PAX5: variants seen among roughly 807,000 people sequenced by gnomAD.
The protein encoded by PAX5 is paired box 5.
Under a neutral mutation model 43.7 loss-of-function variants are expected in PAX5, and 9 were observed. The observed-to-expected ratio is 0.21, with a 90% CI of 0.12 to 0.36. The LOEUF (loss-of-function observed/expected upper bound fraction) is 0.36, where lower values mean the gene tolerates loss of function less well. Among genes scored for constraint, PAX5 ranks in the 10% least tolerant of loss-of-function variants. The pLI is 1.00. For missense variants in PAX5, 383 were observed against 532.7 expected, an observed-to-expected ratio of 0.72 and a Z score of 2.77; for synonymous variants, 228 against 214.3, an observed-to-expected ratio of 1.06 and a Z score of -0.56.
chr9:37,018,868 G>A (rs987694662), intron 2 of PAX5, among the ~76,000 whole-genome samples: 3 of 152,166 alleles, frequency 2.0e-5, no homozygotes, highest in African/African-American at 7.2e-5. Flanking sequence ...ATCTCCATGG[G>A]AGATTTGGAG....
At chr9:36,959,440 C>T (rs1363173197) in intron 6 of PAX5, among the ~76,000 whole-genome samples, 1 of 152,240 alleles carries the variant, frequency 6.6e-6, no homozygotes, top group Non-Finnish European at 1.5e-5. Flanking sequence ...GCCTTCTCTT[C>T]ATCAGACCAA....
intron 8 of PAX5, among the ~76,000 whole-genome samples, chr9:36,871,847 G>A (rs551043666): frequency 1.4e-4 from 22 of 152,288 alleles, no homozygotes; most frequent in African/African-American, 1.9e-4. Context: ...CTTCCCAGGC[G>A]GGCCAGTGAG....
At chr9:36,885,396 C>A (rs1014449994) in intron 7 of PAX5, among the ~76,000 whole-genome samples, 3 of 152,152 alleles carry the variant, frequency 2.0e-5, no homozygotes, top group African/African-American at 7.2e-5. Flanking sequence ...GTCCCTTAGT[C>A]ATTCTGAGCC....
intron 6 of PAX5, among the ~76,000 whole-genome samples, chr9:36,953,858 G>T (rs1833213900): frequency 6.6e-6 from 1 of 152,010 alleles, no homozygotes; most frequent in Non-Finnish European, 1.5e-5. Flanking sequence ...TGATTACCTG[G>T]GCTCAGGAGT....
At chr9:36,889,945 G>GA (rs900375054) in intron 7 of PAX5, among the ~76,000 whole-genome samples, 1 of 143,658 alleles carries the variant, frequency 7.0e-6, no homozygotes, top group East Asian at 2.2e-4. Context: ...CACTAACGGG[G>GA]GGGGGGGGAA....
chr9:37,011,601 C>T (rs144358127), intron 3 of PAX5, among the ~76,000 whole-genome samples: 228 of 152,312 alleles, frequency 1.5e-3, no homozygotes, highest in African/African-American at 4.4e-3. Context: ...CCTCCCAGCA[C>T]GTTTGTCCAT....
At position 36,882,423 on chromosome 9, in the gene PAX5, C is replaced by T. The variant is rs915687143; in HGVS notation, c.911-318G>A. Among the ~76,000 whole-genome samples, 3 of 152,198 alleles carry T rather than the reference C, an allele frequency of 2.0e-5. 1 individual carries two copies. In the South Asian group the frequency reaches 6.2e-4, roughly 32 times the overall value. ...AGGCAATGCAGGTGACAGCACGCCCCGACTCCAGCCAGCTCTCCCTACTCT... is the reference window on the plus strand; with the variant it reads ...AGGCAATGCAGGTGACAGCACGCCCTGACTCCAGCCAGCTCTCCCTACTCT... On this transcript the variant is annotated intron_variant, in intron 7 of 9. Transcript: ENST00000358127. The surrounding 1 kb of genome is among the most constrained non-coding windows in gnomAD (Gnocchi z 4.4).
chr9:36,918,385 G>A (rs1186659592), intron 7 of PAX5, among the ~76,000 whole-genome samples: 2 of 152,344 alleles, frequency 1.3e-5, no homozygotes, highest in Non-Finnish European at 1.5e-5. Flanking sequence ...AAACCAGGAT[G>A]GGCATGGTGG....
chr9:37,017,825 A>G (rs1839518079), intron 2 of PAX5, among the ~76,000 whole-genome samples: 1 of 152,258 alleles, frequency 6.6e-6, no homozygotes, highest in African/African-American at 2.4e-5. Flanking sequence ...CACATGGGCC[A>G]GGCACTTAGA....
chr9:36,867,561 A>C (rs558737604), intron 8 of PAX5, among the ~76,000 whole-genome samples: 1 of 152,036 alleles, frequency 6.6e-6, no homozygotes, highest in East Asian at 1.9e-4. Flanking sequence ...TCTTAGCAGC[A>C]TTGTGAACAA....
At chr9:36,987,523 A>G (rs1451642155) in intron 5 of PAX5, among the ~76,000 whole-genome samples, 1 of 152,208 alleles carries the variant, frequency 6.6e-6, no homozygotes, top group African/African-American at 2.4e-5. Context: ...GCCAGTAGGA[A>G]AATCGAGGCC....
At chr9:36,866,716 G>A (rs1410669072) in intron 8 of PAX5, among the ~76,000 whole-genome samples, 10 of 152,164 alleles carry the variant, frequency 6.6e-5, no homozygotes, top group African/African-American at 2.4e-4. Flanking sequence ...GGGCCACCTG[G>A]CTCCCCCTCT....
chr9:36,937,814 C>T (rs1263051798), intron 6 of PAX5, among the ~76,000 whole-genome samples: 2 of 152,186 alleles, frequency 1.3e-5, no homozygotes, highest in Admixed American at 6.5e-5. Flanking sequence ...GCTCCTACAC[C>T]GTCAACTCAG....
At chr9:37,000,402 C>T (rs1438094498) in intron 5 of PAX5, among the ~76,000 whole-genome samples, 2 of 152,114 alleles carry the variant, frequency 1.3e-5, no homozygotes, top group Admixed American at 6.5e-5. Context: ...TGGACTGCCC[C>T]CTAAGTCTTC....
At chr9:36,879,225 A>G (rs1826186613) in intron 8 of PAX5, among the ~76,000 whole-genome samples, 1 of 152,220 alleles carries the variant, frequency 6.6e-6, no homozygotes, top group Admixed American at 6.5e-5. Flanking sequence ...AAGAGTCGCC[A>G]TCCATTCCCA....
intron 5 of PAX5, among the ~76,000 whole-genome samples, chr9:36,973,069 G>GGAACGGAACGGAACA (rs1343243124): frequency 2.9e-4 from 15 of 52,196 alleles, no homozygotes; most frequent in African/African-American, 1.0e-3. Flanking sequence ...GGAAAGGAAA[G>GGAACGGAACGGAACA]GAACGGAACG....
intron 8 of PAX5, among the ~76,000 whole-genome samples, chr9:36,870,562 A>C (rs1334782645): frequency 6.6e-6 from 1 of 152,260 alleles, no homozygotes; most frequent in Non-Finnish European, 1.5e-5. Context: ...ACAATGTTAC[A>C]ATTTGTAAAC....
intron 6 of PAX5, among the ~76,000 whole-genome samples, chr9:36,942,084 C>G (rs1308884844): frequency 6.6e-6 from 1 of 152,226 alleles, no homozygotes; most frequent in African/African-American, 2.4e-5. Flanking sequence ...CAGCTGATGG[C>G]TGAAACATGA....
chr9:36,968,572 T>C (rs966594970), intron 5 of PAX5, among the ~76,000 whole-genome samples: 1 of 151,412 alleles, frequency 6.6e-6, no homozygotes, highest in Non-Finnish European at 1.5e-5. Flanking sequence ...CCCAAGAGGA[T>C]ACTGTAGGCT....
Sources: gnomAD v4.1 joint callset for allele counts (sites outside exome capture counted in the v4.1 genomes callset) on GRCh38, gnomAD v4.1.1 for gene constraint, Gnocchi (gnomAD v3.1) non-coding constraint, MANE v1.5 for transcripts, NCBI Gene and HGNC (gene_info 2026-07-23, HGNC 2026-07-21) for gene names.